The following SYAP1 variants were observed in gnomAD, a reference collection of about 807,000 sequenced individuals.
SYAP1 encodes synapse associated protein 1.
SYAP1 carries 3 observed loss-of-function variants against 29.6 expected under a neutral mutation model. The ratio of observed to expected loss-of-function variants is 0.10; its 90% CI spans 0.05 to 0.26. The LOEUF is 0.26. Among genes scored for constraint, SYAP1 ranks in the 10% least tolerant of loss-of-function variants. The pLI is 1.00. For missense variants in SYAP1, 217 were observed against 264.1 expected, an observed-to-expected ratio of 0.82 and a Z score of 1.24; for synonymous variants, 102 against 102.7, an observed-to-expected ratio of 0.99 and a Z score of 0.04.
intron 5 of SYAP1, among the ~76,000 whole-genome samples, chrX:16,750,464 C>A (rs946964714): frequency 9.0e-6 from 1 of 111,637 alleles, no homozygotes; most frequent in African/African-American, 3.3e-5. Flanking sequence ...TGATGGCAGA[C>A]AACTTGTCTT....
At chrX:16,732,316 G>C (rs1926226132) in intron 1 of SYAP1, among the ~76,000 whole-genome samples, 1 of 110,880 alleles carries the variant, frequency 9.0e-6, no homozygotes, top group African/African-American at 3.3e-5. Context: ...TTAAGGTTCA[G>C]GAAAGGCCTA....
chrX:16,742,431 C>T lies in SYAP1; in HGVS notation c.435+642C>T, dbSNP rs372499704. Among the ~76,000 whole-genome samples, 107 of 108,767 alleles carry T rather than the reference C, an allele frequency of 9.8e-4. 1 individual carries two copies. The highest frequency in any genetic ancestry group is 4.7e-3 in the Middle Eastern group (1 of 211). The allele number at this position is 108,767 out of a possible 115,157, so 94.5% of individuals were successfully genotyped here. On this transcript the variant is annotated intron_variant, in intron 4 of 8. Transcript: ENST00000380155. ...CCTCCCAAAGTGCTGGGATTATAGG[C>T]GTGAGCTACCACACTCAGCCTAATT...
At chrX:16,731,699 G>A (rs1024535168) in intron 1 of SYAP1, among the ~76,000 whole-genome samples, 2 of 111,790 alleles carry the variant, frequency 1.8e-5, no homozygotes, top group Non-Finnish European at 3.8e-5. Context: ...CAGCACTTTG[G>A]GAGGCTGAGG....
intron 3 of SYAP1, among the ~76,000 whole-genome samples, chrX:16,739,053 C>T (rs779715720): frequency 9.9e-5 from 11 of 111,129 alleles, no homozygotes; most frequent in African/African-American, 3.6e-4. Context: ...TTAGGAGGGC[C>T]TCATTATCTG....
chrX:16,761,167 C>T lies in SYAP1; in HGVS notation c.*808C>T, dbSNP rs1926974461. ...CAGAGGTTGCAGCGAGCTGAGATCG[C>T]GCCACTGCACTCCAGCCTGGGTGAT... On this transcript the variant is annotated 3_prime_UTR_variant, in exon 9 of 9. Coordinates refer to ENST00000380155, the MANE Select transcript of SYAP1 (RefSeq NM_032796.4). 1.0e-5 allele frequency: 1 copy of T among 98,830 alleles called. No homozygotes were observed. The highest frequency in any genetic ancestry group is 3.8e-5 in the African/African-American group (1 of 26,289). The allele number at this position is 98,830 out of a possible 1,213,427, so 8.1% of individuals were successfully genotyped here. A position where few individuals can be genotyped will look rare whatever the true frequency, so the allele number is the denominator to read the frequency against.
intron 5 of SYAP1, among the ~76,000 whole-genome samples, chrX:16,747,367 T>G (rs1926631908): frequency 8.9e-6 from 1 of 112,352 alleles, no homozygotes; most frequent in Non-Finnish European, 1.9e-5. Flanking sequence ...TAACTGACTC[T>G]GAGGGAAGGG....
chrX:16,747,609 C>G (rs1429497630), intron 5 of SYAP1, among the ~76,000 whole-genome samples: 1 of 112,458 alleles, frequency 8.9e-6, no homozygotes, highest in African/African-American at 3.2e-5. Flanking sequence ...TCACTGTTGA[C>G]AGTAATTTTA....
intron 8 of SYAP1, 26 bp downstream of exon 8, chrX:16,757,335 A>G (rs754618690): frequency 8.5e-7 from 1 of 1,181,711 alleles, no homozygotes; most frequent in East Asian, 3.0e-5. Context: ...AATCAAAGCA[A>G]AGAAACTATT....
intron 4 of SYAP1, 126 bp downstream of exon 4, chrX:16,741,915 G>A (rs1400879573): frequency 2.1e-6 from 1 of 483,942 alleles, no homozygotes; most frequent in East Asian, 3.5e-5. Context: ...TGTTAGGAAT[G>A]TACACATTAA....
At chrX:16,748,358 C>T (rs1469188614) in intron 5 of SYAP1, among the ~76,000 whole-genome samples, 2 of 112,540 alleles carry the variant, frequency 1.8e-5, no homozygotes, top group African/African-American at 6.5e-5. Flanking sequence ...CACAAATATA[C>T]GGTTTCCAGA....
At chrX:16,726,052 C>G (rs1207398997) in intron 1 of SYAP1, among the ~76,000 whole-genome samples, 1 of 111,638 alleles carries the variant, frequency 9.0e-6, no homozygotes, top group Non-Finnish European at 1.9e-5. Flanking sequence ...GGCCCAATAA[C>G]AAGATGCAGG....
chrX:16,729,617 C>T (rs1347489440), intron 1 of SYAP1, among the ~76,000 whole-genome samples: 2 of 109,370 alleles, frequency 1.8e-5, no homozygotes, highest in Admixed American at 2.0e-4. Flanking sequence ...TCCCAAGTAG[C>T]TGGGACTACA....
At chrX:16,755,899 C>T (rs1011003887) in intron 6 of SYAP1, among the ~76,000 whole-genome samples, 6 of 111,843 alleles carry the variant, frequency 5.4e-5, no homozygotes, top group African/African-American at 9.8e-5. Flanking sequence ...ATTTAATTCA[C>T]GGAATTTTAA....
chrX:16,742,920 A>ATTTTTTTTTTT (rs761130108), intron 4 of SYAP1, among the ~76,000 whole-genome samples: 1 of 62,992 alleles, frequency 1.6e-5, no homozygotes, highest in African/African-American at 6.3e-5. Context: ...GTCCGCTTCT[A>ATTTTTTTTTTT]TTTTTTTTTT....
chrX:16,736,089 A>G (rs529180349), intron 2 of SYAP1, 77 bp from the exon 3 acceptor site: 179 of 635,715 alleles, frequency 2.8e-4, no homozygotes, highest in Middle Eastern at 2.2e-3. Context: ...ATGTTGGTAG[A>G]TATTTGAACT....
chrX:16,759,166 T>G, intron 8 of SYAP1, among the ~76,000 whole-genome samples: 1 of 101,800 alleles, frequency 9.8e-6, no homozygotes, highest in Non-Finnish European at 2.0e-5. Context: ...CACTGCAGCC[T>G]GGGCAACAGA....
intron 5 of SYAP1, among the ~76,000 whole-genome samples, chrX:16,746,177 CAAAAA>C (rs11307737): frequency 1.6e-5 from 1 of 63,865 alleles, no homozygotes; most frequent in Non-Finnish European, 2.8e-5. Flanking sequence ...TGTTTTATGG[CAAAAA>C]AAAAAAAAAA....
At chrX:16,755,479 C>A (rs1926823392) in intron 6 of SYAP1, among the ~76,000 whole-genome samples, 1 of 109,181 alleles carries the variant, frequency 9.2e-6, no homozygotes. Flanking sequence ...CGTTTTATTT[C>A]TCTCTCAAAC....
In SYAP1 at chrX:16,756,671, C is replaced by T. The variant is rs773957263; in HGVS notation, c.733C>T (p.Arg245Trp). ...EQDLPLAEAV[R>W]PKTPPVVIKS... is the part of the protein sequence containing the mutation. ...TTATTCTCACTTCTTAGAGGCAGTACGGCCCAAAACGCCACCCGTTGTAAT... is the reference window on the plus strand; with the variant it reads ...TTATTCTCACTTCTTAGAGGCAGTATGGCCCAAAACGCCACCCGTTGTAAT... The change falls in exon 7 of 9, where the codon CGG (arginine) becomes TGG (tryptophan). Residue 245 changes from arginine (R) to tryptophan (W), a missense_variant. Arg to Trp is a moderately radical substitution (Grantham distance 101, BLOSUM62 -3). Coordinates refer to ENST00000380155, the MANE Select transcript of SYAP1 (RefSeq NM_032796.4). 3.9e-5 allele frequency: 47 copies of T among 1,210,226 alleles called. No individual in the cohort carries two copies. The highest frequency in any genetic ancestry group is 5.3e-5 in the South Asian group (3 of 56,900).
Sources: allele counts gnomAD v4.1 joint callset (sites outside exome capture counted in the v4.1 genomes callset), GRCh38; gene constraint gnomAD v4.1.1; transcripts MANE v1.5; gene names NCBI Gene and HGNC (gene_info 2026-07-23, HGNC 2026-07-21).